CTTNBP2: variants seen among roughly 807,000 people sequenced by gnomAD.
The protein encoded by CTTNBP2 is cortactin binding protein 2, also known as cortactin-binding protein 2.
CTTNBP2 carries 108 observed loss-of-function variants against 156.9 expected under a neutral mutation model. The ratio of observed to expected loss-of-function variants is 0.69; its 90% CI spans 0.59 to 0.81. The LOEUF (loss-of-function observed/expected upper bound fraction) is 0.81. Among genes scored for constraint, CTTNBP2 ranks in the 30% least tolerant of loss-of-function variants. CTTNBP2 has a pLI of 0.00. For synonymous variants in CTTNBP2, 767 were observed against 751.8 expected, an observed-to-expected ratio of 1.02 and a Z score of -0.33; for missense variants, 1,924 against 2,035.4, an observed-to-expected ratio of 0.95 and a Z score of 1.05.
intron 2 of CTTNBP2, among the ~76,000 whole-genome samples, chr7:117,846,880 A>AT (rs1563063736): frequency 3.3e-5 from 5 of 151,348 alleles, no homozygotes; most frequent in South Asian, 2.1e-4. Context: ...TAACTAAAAA[A>AT]ATATATATAT....
intron 4 of CTTNBP2, among the ~76,000 whole-genome samples, chr7:117,788,643 A>G (rs1184607111): frequency 6.6e-6 from 1 of 152,198 alleles, no homozygotes; most frequent in Non-Finnish European, 1.5e-5. Flanking sequence ...TCTAAATGCA[A>G]AACAGAGTTG....
At chr7:117,760,145 T>C in intron 10 of CTTNBP2, 1 of 428,236 alleles carries the variant, frequency 2.3e-6, no homozygotes, top group South Asian at 3.3e-5. Context: ...CTGTGGGGTG[T>C]TTAGTTTCTT....
chr7:117,857,942 C>T (rs1803438967), intron 2 of CTTNBP2, among the ~76,000 whole-genome samples: 1 of 152,186 alleles, frequency 6.6e-6, no homozygotes, highest in Non-Finnish European at 1.5e-5. Context: ...AGGGAACACT[C>T]AATCAGTAAA....
chr7:117,817,361 AAT>A (rs59036381), intron 2 of CTTNBP2, among the ~76,000 whole-genome samples: 3,720 of 53,126 alleles, frequency 0.07, 241 homozygotes, highest in South Asian at 0.1. Flanking sequence ...AAAAAAAAAA[AAT>A]ATATATATAT....
chr7:117,810,068 A>G (rs1013577633), intron 3 of CTTNBP2, among the ~76,000 whole-genome samples: 2 of 151,984 alleles, frequency 1.3e-5, no homozygotes, highest in African/African-American at 4.8e-5. Context: ...TGAACTTTGT[A>G]CTCTTTGAAG....
chr7:117,858,870 C>T (rs375778929), intron 2 of CTTNBP2, among the ~76,000 whole-genome samples: 20 of 152,080 alleles, frequency 1.3e-4, no homozygotes, highest in East Asian at 5.8e-4. Flanking sequence ...AGTCATTCAC[C>T]ATTTCAGAAA....
intron 22 of CTTNBP2, among the ~76,000 whole-genome samples, chr7:117,717,321 ATT>A (rs796923048): frequency 1.4e-5 from 2 of 146,376 alleles, no homozygotes; most frequent in African/African-American, 5.0e-5. Context: ...TAAAATTGAG[ATT>A]TTTTTTTTTT....
chr7:117,717,582 A>C (rs1242978279), intron 22 of CTTNBP2, among the ~76,000 whole-genome samples: 2 of 152,158 alleles, frequency 1.3e-5, no homozygotes, highest in African/African-American at 4.8e-5. Flanking sequence ...GAATCAACTT[A>C]TTCATTCTGT....
At chr7:117,837,046 T>C (rs1427544581) in intron 2 of CTTNBP2, among the ~76,000 whole-genome samples, 1 of 152,226 alleles carries the variant, frequency 6.6e-6, no homozygotes, top group African/African-American at 2.4e-5. Context: ...GTCAGTGTTT[T>C]GCCTGAGCAG....
At position 117,760,466 on chromosome 7, in the gene CTTNBP2, G is replaced by C. The variant is rs1324353387; in HGVS notation, c.3141C>G (p.Leu1047=). The C allele has an allele frequency of 1.2e-6, 2 of 1,613,976 alleles. No individual in the cohort carries two copies. Among genetic ancestry groups the C allele is most frequent in the Non-Finnish European group, 1.7e-6 (2 of 1,179,966 alleles). Residue 1047 remains leucine (L), a synonymous_variant, in exon 10 of 23, where the codon CTC becomes CTG. Transcript: ENST00000160373. ...TGATGGATCGTATGCTTCTTGCACT[G>C]AGGCCGATGTTGGAATCAGTGGTGT... is the stretch of plus-strand genomic sequence containing the variant. ...CNNTTDSNIG[L]SARSIRSITL...
chr7:117,746,164 C>T, intron 12 of CTTNBP2, 65 bp from the exon 13 acceptor site: 3 of 1,088,142 alleles, frequency 2.8e-6, no homozygotes, highest in Non-Finnish European at 4.2e-6. Context: ...AAAAGTGGTA[C>T]ACAGGTGTGG....
chr7:117,789,567 C>G (rs1396922902), intron 4 of CTTNBP2, among the ~76,000 whole-genome samples: 1 of 152,178 alleles, frequency 6.6e-6, no homozygotes, highest in African/African-American at 2.4e-5. Context: ...AGCTGTTCAA[C>G]TCAGTAATAC....
intron 10 of CTTNBP2, among the ~76,000 whole-genome samples, chr7:117,759,461 T>A (rs374331903): frequency 3.3e-5 from 5 of 152,274 alleles, no homozygotes; most frequent in African/African-American, 1.2e-4. Context: ...AATCAAGTTG[T>A]CATGAATACT....
At chr7:117,732,582 G>A (rs1211941460) in intron 16 of CTTNBP2, among the ~76,000 whole-genome samples, 12 of 150,542 alleles carry the variant, frequency 8.0e-5, no homozygotes, top group Middle Eastern at 3.4e-3. Flanking sequence ...CCCAGGAGGC[G>A]GAGCTTGCAG....
intron 3 of CTTNBP2, chr7:117,793,315 TAAA>T (rs995552266): frequency 1.3e-5 from 2 of 152,178 alleles, no homozygotes; most frequent in African/African-American, 4.8e-5. Flanking sequence ...GGAAATCATA[TAAA>T]ATTATATATG....
chr7:117,734,854 T>C (rs1178134478), intron 16 of CTTNBP2, 59 bp downstream of exon 16: 1 of 1,374,276 alleles, frequency 7.3e-7, no homozygotes, highest in African/African-American at 1.5e-5. Flanking sequence ...CAAGCTGAGA[T>C]CTCCTGACAA....
At chr7:117,770,443 A>G (rs563813771) in intron 8 of CTTNBP2, among the ~76,000 whole-genome samples, 1 of 152,346 alleles carries the variant, frequency 6.6e-6, no homozygotes, top group Admixed American at 6.5e-5. Flanking sequence ...GAACTCAATG[A>G]AAGTGAAAAC....
At chr7:117,853,605 T>C (rs1175766101) in intron 2 of CTTNBP2, among the ~76,000 whole-genome samples, 1 of 152,178 alleles carries the variant, frequency 6.6e-6, no homozygotes, top group Admixed American at 6.5e-5. Context: ...ATTCTAAAAA[T>C]GAACTGTTAA....
chr7:117,845,710 A>C (rs555399130), intron 2 of CTTNBP2, among the ~76,000 whole-genome samples: 1 of 152,310 alleles, frequency 6.6e-6, no homozygotes, highest in Non-Finnish European at 1.5e-5. Context: ...GGTTTTCAAA[A>C]TTAAAACATT....
Sources: allele counts gnomAD v4.1 joint callset (sites outside exome capture counted in the v4.1 genomes callset), GRCh38; gene constraint gnomAD v4.1.1; transcripts MANE v1.5; gene names NCBI Gene and HGNC (gene_info 2026-07-23, HGNC 2026-07-21).